GRID1: variants seen among roughly 807,000 people sequenced by gnomAD.
The protein encoded by GRID1 is glutamate ionotropic receptor delta type subunit 1.
In GRID1, 28 loss-of-function variants were observed where a neutral mutation model predicts 98.0. The observed-to-expected ratio is 0.29, with a 90% CI of 0.21 to 0.39. The LOEUF is 0.39. GRID1 is among the 10% of genes least tolerant of loss of function. The probability of loss-of-function intolerance (pLI) is 1.00; values close to 1 mark genes in which losing one functional copy is unlikely to be tolerated. For synonymous variants in GRID1, 553 were observed against 538.5 expected (o/e 1.03, Z -0.37); for missense variants, 1,111 against 1,340.5 (o/e 0.83, Z 2.67).
intron 8 of GRID1, among the ~76,000 whole-genome samples, chr10:85,798,549 A>G (rs1320201907): frequency 2.0e-5 from 3 of 152,096 alleles, no homozygotes; most frequent in South Asian, 4.2e-4. Context: ...TTTTTTTGTA[A>G]TAGCCATTCT....
At chr10:86,292,469 T>A (rs1472475609) in intron 2 of GRID1, among the ~76,000 whole-genome samples, 1 of 152,192 alleles carries the variant, frequency 6.6e-6, no homozygotes, top group African/African-American at 2.4e-5. Flanking sequence ...GAAGAGCAGC[T>A]CCTACAGCAA....
At chr10:85,749,520 G>C (rs1842026815) in intron 8 of GRID1, among the ~76,000 whole-genome samples, 1 of 152,130 alleles carries the variant, frequency 6.6e-6, no homozygotes. Flanking sequence ...AGGACACAGA[G>C]TGACATTCCA....
At chr10:86,214,889 C>T (rs1178683232) in intron 2 of GRID1, among the ~76,000 whole-genome samples, 2 of 152,164 alleles carry the variant, frequency 1.3e-5, no homozygotes, top group African/African-American at 4.8e-5. Flanking sequence ...AAGAATCCTC[C>T]TAACAACTCT....
chr10:85,854,308 A>C (rs1344161443), intron 8 of GRID1, among the ~76,000 whole-genome samples, 188 bp downstream of exon 8: 1 of 150,860 alleles, frequency 6.6e-6, no homozygotes, highest in Non-Finnish European at 1.5e-5. Flanking sequence ...CTGTTTGGAA[A>C]CCTCTCTGCA....
intron 8 of GRID1, among the ~76,000 whole-genome samples, chr10:85,763,123 A>G (rs1177696332): frequency 6.6e-6 from 1 of 152,182 alleles, no homozygotes; most frequent in African/African-American, 2.4e-5. Flanking sequence ...GAGAATGGGC[A>G]TGGAGGACTA....
chr10:86,336,067 T>C (rs1380925688), intron 2 of GRID1, among the ~76,000 whole-genome samples: 3 of 152,114 alleles, frequency 2.0e-5, no homozygotes, highest in South Asian at 2.1e-4. Context: ...ATCCCAAACA[T>C]TGAAGACAGA....
At chr10:85,647,491 G>A (rs559510663) in intron 12 of GRID1, 94 bp from the exon 13 acceptor site, 47 of 883,714 alleles carry the variant, frequency 5.3e-5, no homozygotes, top group Admixed American at 2.0e-4. Context: ...TGAACTCCAA[G>A]CCCGGCATGG....
chr10:85,679,805 C>A (rs981098745), intron 12 of GRID1, among the ~76,000 whole-genome samples: 1 of 152,196 alleles, frequency 6.6e-6, no homozygotes, highest in East Asian at 1.9e-4. Flanking sequence ...GGACCCATGA[C>A]AAACCATCTG....
intron 4 of GRID1, among the ~76,000 whole-genome samples, chr10:86,075,701 G>A (rs1843871753): frequency 6.6e-6 from 1 of 152,194 alleles, no homozygotes; most frequent in South Asian, 2.1e-4. Flanking sequence ...TGTATTGGAA[G>A]AGATGTCCAA....
At chr10:85,868,224 G>A (rs1229612184) in intron 6 of GRID1, among the ~76,000 whole-genome samples, 1 of 152,154 alleles carries the variant, frequency 6.6e-6, no homozygotes, top group Non-Finnish European at 1.5e-5. Context: ...CTGTCCTGGT[G>A]CTCTCACTAA....
Position 86,366,206 on chromosome 10 carries a change from C to A in GRID1, c.79+108G>T, listed in dbSNP as rs1165660224. ...GCGGCGCGGCCCTTCGGGGGAGCAC[C>A]GCCCGCCGAGCCCCTCGGCCCAGGG... On this transcript the variant is annotated intron_variant, in intron 1 of 15. Transcript: ENST00000327946. The surrounding 1 kb of genome is among the most constrained non-coding windows in gnomAD (Gnocchi z 4.1). The A allele has an allele frequency of 1.5e-5, 10 of 656,518 alleles. 1 individual carries two copies. The highest frequency in any genetic ancestry group is 1.3e-4 in the Admixed American group (3 of 23,260). The allele number at this position is 656,518 out of a possible 1,614,324, so 40.7% of individuals were successfully genotyped here.
intron 14 of GRID1, among the ~76,000 whole-genome samples, chr10:85,616,934 C>A (rs1390940477): frequency 2.6e-5 from 4 of 152,184 alleles, no homozygotes; most frequent in African/African-American, 7.2e-5. Flanking sequence ...GCCCCAACTG[C>A]ATGCTGTGGT....
chr10:85,881,722 T>G (rs1334081525), intron 5 of GRID1, among the ~76,000 whole-genome samples: 2 of 152,140 alleles, frequency 1.3e-5, no homozygotes, highest in African/African-American at 4.8e-5. Flanking sequence ...GGGCAAGTGC[T>G]TCATGTCTAA....
At chr10:86,078,154 A>G (rs1446454688) in intron 4 of GRID1, among the ~76,000 whole-genome samples, 4 of 152,252 alleles carry the variant, frequency 2.6e-5, no homozygotes, top group Admixed American at 2.6e-4. Context: ...ATGCATACGG[A>G]TTGATTTTCA....
chr10:85,619,961 A>C lies in GRID1; in HGVS notation c.2266T>G (p.Cys756Gly). ...CTGTTGCCGATGACAGTCACCGAGC[A>C]GTCGTCATCCGTCAGGGCTGCGTAT... is the stretch of plus-strand genomic sequence containing the variant. The part of the protein sequence containing the change: ...VEYAALTDDD[C>G]SVTVIGNSIS... Residue 756 changes from cysteine to glycine, a missense_variant, in exon 14 of 16, where the codon TGC becomes GGC. Physicochemically the swap from Cys to Gly is radical, Grantham distance 159. This residue lies in a region of GRID1 where 762 missense variants were observed against 869.1 expected (regional missense o/e 0.88). Coordinates refer to ENST00000327946, the MANE Select transcript of GRID1 (RefSeq NM_017551.3). 1 of 1,614,006 alleles carries C rather than the reference A, an allele frequency of 6.2e-7. No individual in the cohort carries two copies. Among genetic ancestry groups the C allele is most frequent in the Non-Finnish European group, 8.5e-7 (1 of 1,179,846 alleles).
rs527899068 is a variant in GRID1, at chr10:85,703,719, G to C, written c.1997+19284C>G. Reference sequence around the variant, plus strand: ...AACTATAGTAATAATAATGGTAACAGAATGCTAAACACCATAAAAAATTTG... The same window carrying C: ...AACTATAGTAATAATAATGGTAACACAATGCTAAACACCATAAAAAATTTG... On this transcript the variant is annotated intron_variant, in intron 12 of 15. Transcript: ENST00000327946. Among the ~76,000 whole-genome samples, 5 of 152,102 alleles carry C rather than the reference G, an allele frequency of 3.3e-5. No individual in the cohort carries two copies. In the East Asian group the frequency reaches 9.6e-4, roughly 29 times the overall value.
chr10:85,709,136 G>C (rs1212378069), intron 12 of GRID1: 4 of 337,992 alleles, frequency 1.2e-5, no homozygotes, highest in Non-Finnish European at 2.4e-5. Context: ...CAATGTGTCA[G>C]GTGCTGCAGA....
In GRID1 at chr10:85,602,289, T is replaced by C. The variant is rs766428078; in HGVS notation, c.3014A>G (p.His1005Arg). The C allele has an allele frequency of 6.6e-7, 1 of 1,520,702 alleles. No individual in the cohort carries two copies. The highest frequency in any genetic ancestry group is 8.8e-7 in the Non-Finnish European group (1 of 1,134,650). The allele number at this position is 1,520,702 out of a possible 1,614,324, so 94.2% of individuals were successfully genotyped here. A position where few individuals can be genotyped will look rare whatever the true frequency, so the allele number is the denominator to read the frequency against. The change falls in exon 16 of 16, where the codon CAC (histidine) becomes CGC (arginine). Residue 1005 changes from histidine to arginine, a missense_variant. Physicochemically the swap from His to Arg is conservative, Grantham distance 29. Around this residue, in one of 3 missense-constraint regions of GRID1, gnomAD observed 762 missense variants for 869.1 expected, o/e 0.88. Coordinates refer to ENST00000327946, the MANE Select transcript of GRID1 (RefSeq NM_017551.3). ...GVLPEALDTS[H>R]GTSI ...GCGGCGCAGTCAGATGGAGGTCCCGTGGGAGGTGTCCAGAGCCTCTGGAAG... is the reference window on the plus strand; with the variant it reads ...GCGGCGCAGTCAGATGGAGGTCCCGCGGGAGGTGTCCAGAGCCTCTGGAAG...
intron 4 of GRID1, among the ~76,000 whole-genome samples, chr10:85,939,558 A>G (rs1269232983): frequency 6.6e-6 from 1 of 152,038 alleles, no homozygotes; most frequent in Non-Finnish European, 1.5e-5. Context: ...CAGCAGCAAC[A>G]CGTCTTTCTG....
Sources: gnomAD v4.1 joint callset for allele counts (sites outside exome capture counted in the v4.1 genomes callset) on GRCh38, gnomAD v4.1.1 for gene constraint, gnomAD v4.1.1 regional missense constraint, Gnocchi (gnomAD v3.1) non-coding constraint, MANE v1.5 for transcripts, NCBI Gene and HGNC (gene_info 2026-07-23, HGNC 2026-07-21) for gene names.